The following MINPP1 variants were observed in gnomAD, a reference collection of about 807,000 sequenced individuals.
MINPP1 encodes multiple inositol polyphosphate phosphatase 1.
MINPP1 carries 28 observed loss-of-function variants against 46.1 expected under a neutral mutation model. That is an observed-to-expected ratio of 0.61 (90% CI 0.45 to 0.83). The LOEUF is 0.83. Ranked by LOEUF, MINPP1 falls within the 40% of genes least tolerant of loss-of-function variation. The pLI is 0.00. For synonymous variants in MINPP1, 268 were observed against 249.1 expected, an observed-to-expected ratio of 1.08 and a Z score of -0.72; for missense variants, 603 against 610.0, an observed-to-expected ratio of 0.99 and a Z score of 0.12.
intron 4 of MINPP1, among the ~76,000 whole-genome samples, chr10:87,528,723 G>A (rs1166045666): frequency 1.3e-5 from 2 of 152,142 alleles, no homozygotes; most frequent in African/African-American, 2.4e-5. Flanking sequence ...TGTCTATTAG[G>A]TCTGCTTGGT....
chr10:87,552,145 G>A lies in MINPP1; in HGVS notation c.1131G>A (p.Leu377=). ...GTCATGCAGAGACTCTTCTTCCACTGCTTTCTCTCATGGGCTACTTCAAAG... is the reference window on the plus strand; with the variant it reads ...GTCATGCAGAGACTCTTCTTCCACTACTTTCTCTCATGGGCTACTTCAAAG... ...QFGHAETLLP[L]LSLMGYFKDK... Residue 377 remains leucine, a synonymous_variant, in exon 5 of 5, where the codon CTG becomes CTA. Transcript: ENST00000371996. 6.2e-7 allele frequency: 1 copy of A among 1,613,596 alleles called. No homozygotes were observed. The highest frequency in any genetic ancestry group is 8.5e-7 in the Non-Finnish European group (1 of 1,179,736).
chr10:87,526,188 C>G (rs1037305196), intron 4 of MINPP1, among the ~76,000 whole-genome samples: 3 of 151,746 alleles, frequency 2.0e-5, no homozygotes, highest in African/African-American at 7.2e-5. Flanking sequence ...TAAAAGTGTT[C>G]TCACATCCTC....
At chr10:87,507,460 A>G (rs1851268559) in intron 1 of MINPP1, among the ~76,000 whole-genome samples, 1 of 151,180 alleles carries the variant, frequency 6.6e-6, no homozygotes, top group Admixed American at 6.6e-5. Context: ...AAGTGGGCAG[A>G]ATTATCCATT....
chr10:87,512,612 T>C (rs939491351), intron 2 of MINPP1, among the ~76,000 whole-genome samples: 1 of 152,238 alleles, frequency 6.6e-6, no homozygotes, highest in African/African-American at 2.4e-5. Context: ...CTTTATAACC[T>C]TAGCCCCCCT....
At chr10:87,512,526 T>G (rs1851350031) in intron 2 of MINPP1, among the ~76,000 whole-genome samples, 1 of 152,212 alleles carries the variant, frequency 6.6e-6, no homozygotes, top group African/African-American at 2.4e-5. Flanking sequence ...TTCTTAGTTA[T>G]AAAATGAATT....
chr10:87,517,166 A>G (rs1851422978), intron 3 of MINPP1, among the ~76,000 whole-genome samples: 2 of 152,168 alleles, frequency 1.3e-5, no homozygotes, highest in Non-Finnish European at 2.9e-5. Context: ...CTCCCACGAC[A>G]CAAGTTAAAA....
At position 87,552,307 on chromosome 10, in the gene MINPP1, A is replaced by C; in HGVS notation, c.1293A>C (p.Gln431His). Residue 431 changes from glutamine (Q) to histidine (H), a missense_variant, in exon 5 of 5, where the codon CAA becomes CAC. Coordinates refer to ENST00000371996, the MANE Select transcript of MINPP1 (RefSeq NM_004897.5). ...AAAATGCTAAGACTCCTAAAGAACA[A>C]TTCCGAGTGCAGATGTTATTAAATG... ...HCENAKTPKE[Q>H]FRVQMLLNEK... 1 of 1,613,828 alleles carries C rather than the reference A, an allele frequency of 6.2e-7. No homozygotes were observed.
At chr10:87,518,271 T>TA (rs1437495739) in intron 3 of MINPP1, among the ~76,000 whole-genome samples, 5 of 151,848 alleles carry the variant, frequency 3.3e-5, no homozygotes, top group African/African-American at 9.7e-5. Context: ...TTTTTTTTTT[T>TA]AAATATAAAG....
intron 1 of MINPP1, among the ~76,000 whole-genome samples, chr10:87,507,228 C>A (rs1307156527): frequency 6.6e-6 from 1 of 152,176 alleles, no homozygotes; most frequent in African/African-American, 2.4e-5. Context: ...TTATGTACAT[C>A]TGGTCTTTTG....
intron 4 of MINPP1, among the ~76,000 whole-genome samples, chr10:87,533,377 C>T (rs560710036): frequency 1.3e-5 from 2 of 152,124 alleles, no homozygotes; most frequent in South Asian, 2.1e-4. Context: ...TGCACCATCA[C>T]TATAGTAATG....
intron 3 of MINPP1, among the ~76,000 whole-genome samples, chr10:87,517,313 G>A (rs1564674150): frequency 6.6e-6 from 1 of 152,084 alleles, no homozygotes. Context: ...AAATGGATTG[G>A]GAATTATGAG....
intron 3 of MINPP1, among the ~76,000 whole-genome samples, chr10:87,518,047 C>T (rs1434630974): frequency 2.7e-5 from 4 of 147,980 alleles, no homozygotes; most frequent in African/African-American, 1.0e-4. Flanking sequence ...GCAAGCTCCA[C>T]CTCCCGGGTT....
intron 3 of MINPP1, among the ~76,000 whole-genome samples, chr10:87,515,480 A>G (rs1309224273): frequency 6.6e-6 from 1 of 152,234 alleles, no homozygotes; most frequent in Admixed American, 6.5e-5. Context: ...TAATTGAATA[A>G]TAGTTTCTTT....
chr10:87,520,057 A>AGTTGTGTGTGTGTGTGTGTGTGTGTGTGT (rs1554852418), intron 3 of MINPP1, among the ~76,000 whole-genome samples: 11 of 147,364 alleles, frequency 7.5e-5, no homozygotes, highest in African/African-American at 2.8e-4. Context: ...TAAAAGGTAT[A>AGTTGTGTGTGTGTGTGTGTGTGTGTGTGT]GTGTGTGTGT....
At chr10:87,539,995 T>G (rs1851791089) in intron 4 of MINPP1, among the ~76,000 whole-genome samples, 1 of 152,228 alleles carries the variant, frequency 6.6e-6, no homozygotes, top group Non-Finnish European at 1.5e-5. Flanking sequence ...GCCTCCCAAG[T>G]AGCTGGGACT....
intron 2 of MINPP1, 79 bp downstream of exon 2, chr10:87,508,612 A>G (rs1851290357): frequency 7.2e-7 from 1 of 1,396,888 alleles, no homozygotes; most frequent in Admixed American, 1.8e-5. Context: ...ATAAGGAAAC[A>G]GTCTTTTTTA....
chr10:87,514,314 T>A (rs1334115388), intron 3 of MINPP1, among the ~76,000 whole-genome samples: 1 of 152,226 alleles, frequency 6.6e-6, no homozygotes, highest in Non-Finnish European at 1.5e-5. Flanking sequence ...CAATACAGAA[T>A]ACTATAGTTC....
Position 87,521,461 on chromosome 10 carries a change from A to G in MINPP1, c.1067+292A>G, listed in dbSNP as rs545261941. 2.6e-5 allele frequency among the ~76,000 whole-genome samples: 4 copies of G among 152,172 alleles called. No homozygotes were observed. The South Asian group carries it at 8.3e-4, about 32-fold the overall frequency. ...TGCCCTTCCCTTTCCTCCAGAAACTATTCTTTGGAATTTTGTATTGGTCAT... is the reference window on the plus strand; with the variant it reads ...TGCCCTTCCCTTTCCTCCAGAAACTGTTCTTTGGAATTTTGTATTGGTCAT... On this transcript the variant is annotated intron_variant, in intron 4 of 4. Transcript: ENST00000371996.
intron 4 of MINPP1, chr10:87,546,810 G>A (rs1851893495): frequency 6.6e-6 from 1 of 152,174 alleles, no homozygotes; most frequent in Non-Finnish European, 1.5e-5. Context: ...CACTCCTGTG[G>A]TCCTAGTTAC....
Sources: allele counts gnomAD v4.1 joint callset (sites outside exome capture counted in the v4.1 genomes callset), GRCh38; gene constraint gnomAD v4.1.1; transcripts MANE v1.5; gene names NCBI Gene and HGNC (gene_info 2026-07-23, HGNC 2026-07-21).